RBM47: variants seen among roughly 807,000 people sequenced by gnomAD.
RBM47 encodes the protein RNA-binding protein 47.
RBM47 carries 21 observed loss-of-function variants against 47.1 expected under a neutral mutation model. The ratio of observed to expected loss-of-function variants is 0.45; its 90% CI spans 0.32 to 0.64. The LOEUF is 0.64. Ranked by LOEUF, RBM47 falls within the 30% of genes least tolerant of loss-of-function variation. The pLI is 0.05. For synonymous variants in RBM47, 375 were observed against 361.7 expected (o/e 1.04, Z -0.42); for missense variants, 708 against 870.9 (o/e 0.81, Z 2.35).
chr4:40,566,079 A>C (rs7677125), intron 1 of RBM47, among the ~76,000 whole-genome samples: 47,563 of 151,310 alleles, frequency 0.31, 9,891 homozygotes, highest in African/African-American at 0.6. Context: ...ACAACAACAA[A>C]AAAAAAAGGA....
At chr4:40,538,776 G>A (rs1240584695) in intron 2 of RBM47, among the ~76,000 whole-genome samples, 2 of 151,946 alleles carry the variant, frequency 1.3e-5, no homozygotes, top group Admixed American at 6.6e-5. Flanking sequence ...TGACATTACA[G>A]ATGTGCACCA....
At position 40,425,432 on chromosome 4, in the gene RBM47, CACT is replaced by C. The variant is rs1714887639; in HGVS notation, c.*469_*471del. 6.5e-6 allele frequency: 1 copy of C among 154,284 alleles called. No individual in the cohort carries two copies. The highest frequency in any genetic ancestry group is 1.4e-5 in the Non-Finnish European group (1 of 69,160). The allele number at this position is 154,284 out of a possible 1,614,324, so 9.6% of individuals were successfully genotyped here. On this transcript the variant is annotated 3_prime_UTR_variant, in exon 7 of 7. Coordinates refer to ENST00000295971, the MANE Select transcript of RBM47 (RefSeq NM_001098634.2). ...TAATGCTTTATGTAGTATTTTTAAG[CACT>C]ACTGTTTGTATCTTTAAATATTGTA...
chr4:40,555,802 C>T (rs920432660), intron 1 of RBM47, among the ~76,000 whole-genome samples: 26 of 152,128 alleles, frequency 1.7e-4, no homozygotes, highest in African/African-American at 4.3e-4. Flanking sequence ...AAATAGAATT[C>T]GGAAAGATGA....
In RBM47 at chr4:40,425,923, T is replaced by TGGGGA; in HGVS notation, c.1762_1763insTCCCC (p.Asp588ValfsTer23). ...CCAGCCTCAGTATGTCTGGTAGACG[T>TGGGGA]CGGGGATGGGGACCTGAATGGCAGC... On this transcript the variant is annotated frameshift_variant, in exon 7 of 7. Coordinates refer to ENST00000295971, the MANE Select transcript of RBM47 (RefSeq NM_001098634.2). LOFTEE classifies it high-confidence loss of function. 1.9e-6 allele frequency: 3 copies of TGGGGA among 1,614,224 alleles called. No individual in the cohort carries two copies. Among genetic ancestry groups the TGGGGA allele is most frequent in the Non-Finnish European group, 1.7e-6 (2 of 1,180,042 alleles).
At chr4:40,496,757 T>C (rs1722649639) in intron 2 of RBM47, among the ~76,000 whole-genome samples, 1 of 151,856 alleles carries the variant, frequency 6.6e-6, no homozygotes, top group African/African-American at 2.4e-5. Context: ...AACAGAAAAA[T>C]GTCCAGGCAC....
At chr4:40,440,252 C>A (rs1713422276) in intron 3 of RBM47, among the ~76,000 whole-genome samples, 1 of 152,120 alleles carries the variant, frequency 6.6e-6, no homozygotes, top group Admixed American at 6.5e-5. Flanking sequence ...AATGATAGCA[C>A]AATGAAACTT....
Position 40,438,038 on chromosome 4 carries a change from C to T in RBM47, c.856G>A (p.Val286Met). 2 of 1,613,666 alleles carry T rather than the reference C, an allele frequency of 1.2e-6. No homozygotes were observed. Among genetic ancestry groups the T allele is most frequent in the Non-Finnish European group, 1.7e-6 (2 of 1,180,030 alleles). ...RVKKIRDYAFVHFTSREDAVH... is the reference protein window; with the variant it reads ...RVKKIRDYAFMHFTSREDAVH... ...GCATCCTCGCGGCTGGTGAAGTGCACGAAGGCGTAGTCGCGGATCTTCTTG... is the reference window on the plus strand; with the variant it reads ...GCATCCTCGCGGCTGGTGAAGTGCATGAAGGCGTAGTCGCGGATCTTCTTG... Residue 286 changes from valine (V) to methionine (M), a missense_variant, in exon 4 of 7, where the codon GTG becomes ATG. Transcript: ENST00000295971.
At chr4:40,431,092 C>CA (rs139411590) in intron 6 of RBM47, among the ~76,000 whole-genome samples, 12,890 of 151,834 alleles carry the variant, frequency 0.085, 626 homozygotes, top group South Asian at 0.19. Flanking sequence ...AATCAAAAAT[C>CA]AAAAAAAGTG....
intron 1 of RBM47, among the ~76,000 whole-genome samples, chr4:40,579,320 G>T (rs1297235066): frequency 2.0e-5 from 3 of 150,258 alleles, no homozygotes; most frequent in East Asian, 2.0e-4. Flanking sequence ...TACTCAGGAG[G>T]CTGAGGCAGG....
rs1303003320 is a variant in RBM47, at chr4:40,423,701, TTTCTTTC to T, written c.*2196_*2202del. The T allele has an allele frequency of 4.6e-5, 3 of 64,794 alleles. No individual in the cohort carries two copies. Among genetic ancestry groups the T allele is most frequent in the East Asian group, 6.6e-4 (1 of 1,514 alleles). 4.0% of individuals were successfully genotyped at this position (64,794 alleles called of 1,614,324 possible). A position where few individuals can be genotyped will look rare whatever the true frequency, so the allele number is the denominator to read the frequency against. ...CTTTCTTTCTTTCTTTCTTTCTTTC[TTTCTTTC>T]TTTCTTTTCTTTCTTTTCTTTCTTC... On this transcript the variant is annotated 3_prime_UTR_variant, in exon 7 of 7. Coordinates refer to ENST00000295971, the MANE Select transcript of RBM47 (RefSeq NM_001098634.2).
intron 2 of RBM47, among the ~76,000 whole-genome samples, chr4:40,474,636 A>C (rs1719355629): frequency 6.6e-6 from 1 of 152,242 alleles, no homozygotes; most frequent in South Asian, 2.1e-4. Context: ...ATACATTTTT[A>C]ATCAAATGGT....
chr4:40,627,335 T>C (rs1255861244), intron 1 of RBM47, among the ~76,000 whole-genome samples: 1 of 152,218 alleles, frequency 6.6e-6, no homozygotes, highest in Non-Finnish European at 1.5e-5. Context: ...CAGAGTTTTT[T>C]TTCCCCAGAA....
At chr4:40,565,678 A>C (rs1731034329) in intron 1 of RBM47, among the ~76,000 whole-genome samples, 1 of 152,136 alleles carries the variant, frequency 6.6e-6, no homozygotes, top group African/African-American at 2.4e-5. Context: ...TTTCTCAGTC[A>C]ATGCTAGTCT....
At chr4:40,592,816 C>T (rs1266789573) in intron 1 of RBM47, among the ~76,000 whole-genome samples, 1 of 150,428 alleles carries the variant, frequency 6.6e-6, no homozygotes, top group Non-Finnish European at 1.5e-5. Flanking sequence ...GCCTTGGCCT[C>T]CCAGTGAGCC....
intron 1 of RBM47, among the ~76,000 whole-genome samples, chr4:40,611,758 A>AAAAC (rs1736284576): frequency 6.8e-6 from 1 of 147,188 alleles, no homozygotes; most frequent in Non-Finnish European, 1.5e-5. Context: ...CAAAACAAAA[A>AAAAC]AAACCACCCA....
At chr4:40,497,464 A>C (rs1193011651) in intron 2 of RBM47, among the ~76,000 whole-genome samples, 5 of 151,952 alleles carry the variant, frequency 3.3e-5, no homozygotes, top group East Asian at 1.9e-4. Context: ...TCAAAAAATT[A>C]AAAATGAGTT....
At chr4:40,570,800 AC>A (rs1292502827) in intron 1 of RBM47, among the ~76,000 whole-genome samples, 21 of 152,150 alleles carry the variant, frequency 1.4e-4, no homozygotes, top group African/African-American at 5.1e-4. Flanking sequence ...GAATTAAAAT[AC>A]ATGACTAGCA....
intron 1 of RBM47, among the ~76,000 whole-genome samples, chr4:40,616,071 G>A (rs978893646): frequency 3.3e-5 from 5 of 152,022 alleles, no homozygotes; most frequent in Admixed American, 3.3e-4. Flanking sequence ...ATCACTTCTT[G>A]GCTGGGTGCG....
At chr4:40,500,409 G>A (rs1379830668) in intron 2 of RBM47, among the ~76,000 whole-genome samples, 3 of 151,794 alleles carry the variant, frequency 2.0e-5, no homozygotes, top group African/African-American at 7.3e-5. Context: ...TCCAGGAGTC[G>A]AGACCAGCCT....
Sources: gnomAD v4.1 joint callset for allele counts (sites outside exome capture counted in the v4.1 genomes callset) on GRCh38, gnomAD v4.1.1 for gene constraint, MANE v1.5 for transcripts, NCBI Gene and HGNC (gene_info 2026-07-23, HGNC 2026-07-21) for gene names.